MSRB3: variants seen among roughly 807,000 people sequenced by gnomAD.
MSRB3 encodes the protein methionine sulfoxide reductase B3.
Under a neutral mutation model 21.0 loss-of-function variants are expected in MSRB3, and 13 were observed. The observed-to-expected ratio is 0.62, with a 90% CI of 0.40 to 0.98. The LOEUF (loss-of-function observed/expected upper bound fraction) is 0.98, where lower values mean the gene tolerates loss of function less well. Ranked by LOEUF, MSRB3 falls within the 50% of genes least tolerant of loss-of-function variation. The probability of loss-of-function intolerance (pLI) is 0.00; values close to 1 mark genes in which losing one functional copy is unlikely to be tolerated. For missense variants in MSRB3, 199 were observed against 230.3 expected, an observed-to-expected ratio of 0.86 and a Z score of 0.88; for synonymous variants, 87 against 88.6, an observed-to-expected ratio of 0.98 and a Z score of 0.10.
chr12:65,311,875 A>G (rs909588401), intron 2 of MSRB3, among the ~76,000 whole-genome samples: 16 of 152,178 alleles, frequency 1.1e-4, no homozygotes, highest in African/African-American at 3.8e-4. Context: ...AGAGTGATCT[A>G]TTATTTTTCA....
chr12:65,394,295 A>G (rs1015581221), intron 5 of MSRB3, among the ~76,000 whole-genome samples: 1 of 152,226 alleles, frequency 6.6e-6, no homozygotes, highest in Non-Finnish European at 1.5e-5. Context: ...AATAAAACTA[A>G]CACATTCATT....
intron 4 of MSRB3, among the ~76,000 whole-genome samples, chr12:65,367,589 A>T (rs1878083308): frequency 6.6e-6 from 1 of 151,500 alleles, no homozygotes; most frequent in Non-Finnish European, 1.5e-5. Flanking sequence ...AGTGGGGGAG[A>T]TAGATAAGGA....
intron 5 of MSRB3, among the ~76,000 whole-genome samples, chr12:65,427,913 C>T (rs1881683696): frequency 6.6e-6 from 1 of 152,078 alleles, no homozygotes; most frequent in South Asian, 2.1e-4. Context: ...GCTCCAGTGT[C>T]TGAAATGCTC....
chr12:65,308,583 T>C lies in MSRB3; in HGVS notation c.4T>C (p.Ser2Pro). ...TGTTGGTGAAGATATCACAGTGATG[T>C]CTGCATTCAACCTGCTGCATTTGGT... M[S>P]AFNLLHLVTK... The change falls in exon 2 of 7, where the codon TCT becomes CCT. Residue 2 changes from serine (S) to proline (P), a missense_variant. Physicochemically the swap from Ser to Pro is moderately conservative, Grantham distance 74. Transcript: ENST00000308259. 6.2e-7 allele frequency: 1 copy of C among 1,613,992 alleles called. No homozygotes were observed. The highest frequency in any genetic ancestry group is 2.2e-5 in the East Asian group (1 of 44,878).
chr12:65,324,542 A>T lies in MSRB3; in HGVS notation c.77-2284A>T, dbSNP rs914487681. ...CTTTTATGTTTGTATTATTTACTTC[A>T]ATCAGATGTTTTCAATTTTACCTTT... On this transcript the variant is annotated intron_variant, in intron 2 of 6. Coordinates refer to ENST00000308259, the MANE Select transcript of MSRB3 (RefSeq NM_001031679.3). Among the ~76,000 whole-genome samples the T allele has an allele frequency of 3.9e-5, 6 of 152,184 alleles. No homozygotes were observed. In the South Asian group the frequency reaches 1.2e-3, roughly 31 times the overall value.
Position 65,463,312 on chromosome 12 carries a change from C to A in MSRB3, c.548C>A (p.Ala183Glu), listed in dbSNP as rs199788089. The A allele has an allele frequency of 3.1e-6, 5 of 1,614,106 alleles. No homozygotes were observed. Among genetic ancestry groups the A allele is most frequent in the Admixed American group, 1.7e-5 (1 of 60,012 alleles). The change falls in exon 7 of 7, where the codon GCG becomes GAG. Residue 183 changes from alanine to glutamate, a missense_variant. Physicochemically the swap from Ala to Glu is moderately radical, Grantham distance 107. Coordinates refer to ENST00000308259, the MANE Select transcript of MSRB3 (RefSeq NM_001031679.3). ...GCCAGCCCGGCCCAGGCAGACAAAG[C>A]GGAGCTCTAGAGTAATGGAGAGTGA... ...GVASPAQADK[A>E]EL
intron 6 of MSRB3, among the ~76,000 whole-genome samples, chr12:65,455,399 T>G (rs1033949424): frequency 1.3e-5 from 2 of 152,238 alleles, no homozygotes; most frequent in South Asian, 4.1e-4. Context: ...AGTGGAACTT[T>G]CTGGTGCTGG....
At chr12:65,312,806 A>G (rs1874062714) in intron 2 of MSRB3, among the ~76,000 whole-genome samples, 1 of 152,092 alleles carries the variant, frequency 6.6e-6, no homozygotes, top group African/African-American at 2.4e-5. Context: ...GCACTTAATA[A>G]ATATATGTTA....
intron 5 of MSRB3, among the ~76,000 whole-genome samples, chr12:65,370,684 G>A (rs2136536678): frequency 6.6e-6 from 1 of 152,110 alleles, no homozygotes; most frequent in South Asian, 2.1e-4. Context: ...TATAACAGCT[G>A]TACAGGCACA....
At chr12:65,455,287 G>A (rs1883037847) in intron 6 of MSRB3, among the ~76,000 whole-genome samples, 1 of 150,112 alleles carries the variant, frequency 6.7e-6, no homozygotes, top group Admixed American at 6.6e-5. Context: ...TGTCCTTCAA[G>A]TGTGAGGACT....
chr12:65,398,286 T>C (rs1879925534), intron 5 of MSRB3, among the ~76,000 whole-genome samples: 1 of 152,232 alleles, frequency 6.6e-6, no homozygotes, highest in African/African-American at 2.4e-5. Context: ...TTCCTAACTT[T>C]TTGATGATCA....
At chr12:65,390,332 G>T (rs10506524) in intron 5 of MSRB3, among the ~76,000 whole-genome samples, 1 of 151,988 alleles carries the variant, frequency 6.6e-6, no homozygotes, top group Admixed American at 6.6e-5. Flanking sequence ...CTGGAATTAA[G>T]GTTCTCAGTA....
chr12:65,375,240 T>C (rs1878545898), intron 5 of MSRB3, among the ~76,000 whole-genome samples: 1 of 152,148 alleles, frequency 6.6e-6, no homozygotes, highest in Admixed American at 6.5e-5. Context: ...CAGCAAGGCA[T>C]AGTGGCTAAG....
chr12:65,348,426 G>A (rs1876682760), intron 4 of MSRB3, among the ~76,000 whole-genome samples: 1 of 152,118 alleles, frequency 6.6e-6, no homozygotes, highest in South Asian at 2.1e-4. Flanking sequence ...GGGATCGGTG[G>A]TGACATCCCC....
At chr12:65,343,871 A>G (rs1445055420) in intron 4 of MSRB3, among the ~76,000 whole-genome samples, 1 of 152,050 alleles carries the variant, frequency 6.6e-6, no homozygotes, top group Non-Finnish European at 1.5e-5. Flanking sequence ...TAATTTTCTG[A>G]TAATGGCCAA....
intron 1 of MSRB3, among the ~76,000 whole-genome samples, chr12:65,294,754 A>G (rs1872857598): frequency 6.7e-6 from 1 of 149,582 alleles, no homozygotes; most frequent in Non-Finnish European, 1.5e-5. Context: ...TTTGTACTAT[A>G]GTTTTATGTT....
rs552075138 is a variant in MSRB3, at chr12:65,346,323, C to T, written c.263+17720C>T. Among the ~76,000 whole-genome samples the T allele has an allele frequency of 2.0e-4, 30 of 152,304 alleles. 1 individual carries two copies. Among genetic ancestry groups the T allele is most frequent in the African/African-American group, 7.0e-4 (29 of 41,564 alleles). Reference sequence around the variant, plus strand: ...CTCACTGTGGTTTTGATTTGCATTTCTCTGATGGCCAGTGATGGTGAGCAT... The same window carrying T: ...CTCACTGTGGTTTTGATTTGCATTTTTCTGATGGCCAGTGATGGTGAGCAT... On this transcript the variant is annotated intron_variant, in intron 4 of 6. Coordinates refer to ENST00000308259, the MANE Select transcript of MSRB3 (RefSeq NM_001031679.3).
chr12:65,307,153 A>G, intron 1 of MSRB3: 1 of 478,126 alleles, frequency 2.1e-6, no homozygotes, highest in South Asian at 8.9e-5. Context: ...TCTGCTCCAA[A>G]GGAATGCTCT....
intron 4 of MSRB3, among the ~76,000 whole-genome samples, chr12:65,332,402 A>G (rs866054075): frequency 3.9e-5 from 6 of 152,144 alleles, no homozygotes; most frequent in Non-Finnish European, 8.8e-5. Flanking sequence ...CGTATGAGAA[A>G]TACTAGTGGG....
Sources: allele counts gnomAD v4.1 joint callset (sites outside exome capture counted in the v4.1 genomes callset), GRCh38; gene constraint gnomAD v4.1.1; transcripts MANE v1.5; gene names NCBI Gene and HGNC (gene_info 2026-07-23, HGNC 2026-07-21).